The following MAP4K4 variants were observed in gnomAD, a reference collection of about 807,000 sequenced individuals.
MAP4K4 encodes mitogen-activated protein kinase kinase kinase kinase 4.
In MAP4K4, 38 loss-of-function variants were observed where a neutral mutation model predicts 189.6. That is an observed-to-expected ratio of 0.20 (90% CI 0.15 to 0.26). MAP4K4 has a LOEUF of 0.26. Among genes scored for constraint, MAP4K4 ranks in the 10% least tolerant of loss-of-function variants. The probability of loss-of-function intolerance (pLI) is 1.00; values close to 1 mark genes in which losing one functional copy is unlikely to be tolerated. For synonymous variants in MAP4K4, 610 were observed against 624.3 expected (o/e 0.98, Z 0.34); for missense variants, 1,054 against 1,726.9 (o/e 0.61, Z 6.91).
rs567229583 is a variant in MAP4K4 at position 101,891,068 on chromosome 2, G to A, written c.4072-98G>A. On this transcript the variant is annotated intron_variant, in intron 32 of 32. Transcript: ENST00000324219. Reference sequence around the variant, plus strand: ...GGCTCTTTGGGAGTCTAAGCTTCTCGTACTTGACAGTGTTGAGGATGATGG... The same window carrying A: ...GGCTCTTTGGGAGTCTAAGCTTCTCATACTTGACAGTGTTGAGGATGATGG... 3.9e-5 allele frequency: 36 copies of A among 927,788 alleles called. No individual in the cohort carries two copies. The East Asian group carries it at 5.9e-4, about 15-fold the overall frequency. 57.5% of individuals were successfully genotyped at this position (927,788 alleles called of 1,614,324 possible).
chr2:101,864,913 A>G lies in MAP4K4; in HGVS notation c.2098-17A>G, dbSNP rs182114622. The G allele has an allele frequency of 9.3e-5, 136 of 1,460,016 alleles. No individual in the cohort carries two copies. In the East Asian group the frequency reaches 3.0e-3, roughly 32 times the overall value. 90.4% of individuals were successfully genotyped at this position (1,460,016 alleles called of 1,614,324 possible). A position where few individuals can be genotyped will look rare whatever the true frequency, so the allele number is the denominator to read the frequency against. On this transcript the variant is annotated splice_polypyrimidine_tract_variant and intron_variant, in intron 17 of 32. Transcript: ENST00000324219. ...TCATGTTTTCAATAATTTAATTGCT[A>G]TATTTTCTACTTAAAGGTTCCTGTG...
intron 2 of MAP4K4, among the ~76,000 whole-genome samples, chr2:101,752,664 A>G (rs904740707): frequency 6.6e-6 from 1 of 152,186 alleles, no homozygotes. Context: ...AATTTGAGGT[A>G]ATGCTATTCC....
At chr2:101,750,107 C>T (rs1455734164) in intron 2 of MAP4K4, among the ~76,000 whole-genome samples, 1 of 149,526 alleles carries the variant, frequency 6.7e-6, no homozygotes, top group African/African-American at 2.5e-5. Flanking sequence ...TGTGGCGATT[C>T]CTCAGGGATC....
At chr2:101,831,137 C>A (rs1040778302) in intron 6 of MAP4K4, among the ~76,000 whole-genome samples, 2 of 152,154 alleles carry the variant, frequency 1.3e-5, no homozygotes, top group African/African-American at 2.4e-5. Context: ...GAACTTTCCT[C>A]TAGACCACCA....
At chr2:101,745,328 A>AACC (rs2064781044) in intron 2 of MAP4K4, among the ~76,000 whole-genome samples, 1 of 54,874 alleles carries the variant, frequency 1.8e-5, no homozygotes, top group African/African-American at 1.0e-4. Flanking sequence ...TGAAAATATC[A>AACC]CCCCCCCCCC....
At chr2:101,884,977 G>A (rs573789212) in intron 28 of MAP4K4, among the ~76,000 whole-genome samples, 1 of 152,134 alleles carries the variant, frequency 6.6e-6, no homozygotes, top group Non-Finnish European at 1.5e-5. Flanking sequence ...GATCATTAGC[G>A]AAAGTACTCA....
intron 12 of MAP4K4, among the ~76,000 whole-genome samples, chr2:101,855,278 G>A (rs1295806245): frequency 6.6e-6 from 1 of 152,202 alleles, no homozygotes; most frequent in Non-Finnish European, 1.5e-5. Context: ...TTCCAGCTGG[G>A]GGCTTGCTGG....
chr2:101,802,070 T>G (rs2094424982), intron 3 of MAP4K4, among the ~76,000 whole-genome samples: 1 of 152,232 alleles, frequency 6.6e-6, no homozygotes, highest in Non-Finnish European at 1.5e-5. Flanking sequence ...TGACTTCAAG[T>G]TAGTAACTGC....
intron 13 of MAP4K4, among the ~76,000 whole-genome samples, chr2:101,856,794 A>G (rs965316702): frequency 1.3e-5 from 2 of 152,138 alleles, no homozygotes; most frequent in African/African-American, 4.8e-5. Flanking sequence ...TCTCTTTGTT[A>G]TGAGCTTGGA....
At chr2:101,865,565 G>A (rs549469266) in intron 18 of MAP4K4, among the ~76,000 whole-genome samples, 1 of 152,288 alleles carries the variant, frequency 6.6e-6, no homozygotes, top group Admixed American at 6.5e-5. Flanking sequence ...ATGAAATACA[G>A]TGGAAACTTC....
At chr2:101,819,186 T>C (rs1325766457) in intron 3 of MAP4K4, among the ~76,000 whole-genome samples, 1 of 152,200 alleles carries the variant, frequency 6.6e-6, no homozygotes, top group Non-Finnish European at 1.5e-5. Context: ...CCAGGCCACA[T>C]GAAGTGTTTG....
intron 28 of MAP4K4, 137 bp from the exon 29 acceptor site, chr2:101,885,048 CTG>C: frequency 2.1e-6 from 1 of 476,036 alleles, no homozygotes; most frequent in Non-Finnish European, 3.8e-6. Flanking sequence ...ATCTCTCTCT[CTG>C]AATTTTTCCC....
At chr2:101,869,823 G>A (rs371923814) in intron 22 of MAP4K4, 26 bp downstream of exon 22, 109 of 1,497,578 alleles carry the variant, frequency 7.3e-5, no homozygotes, top group African/African-American at 2.4e-4. Context: ...CTTTTAGAGC[G>A]GATGAGAGTA....
At chr2:101,761,722 A>AT (rs1329390666) in intron 2 of MAP4K4, among the ~76,000 whole-genome samples, 10 of 151,670 alleles carry the variant, frequency 6.6e-5, no homozygotes, top group Admixed American at 6.6e-4. Context: ...CACCTGGCTA[A>AT]TTTTTTGTAT....
intron 2 of MAP4K4, among the ~76,000 whole-genome samples, chr2:101,735,279 A>T (rs1375022280): frequency 6.6e-6 from 1 of 152,082 alleles, no homozygotes; most frequent in Non-Finnish European, 1.5e-5. Context: ...TACAGGGGCA[A>T]ATGGTCACCT....
At chr2:101,818,067 A>T (rs530912584) in intron 3 of MAP4K4, among the ~76,000 whole-genome samples, 1 of 152,290 alleles carries the variant, frequency 6.6e-6, no homozygotes, top group African/African-American at 2.4e-5. Flanking sequence ...AATAAAAAAT[A>T]AATTTGATTA....
intron 2 of MAP4K4, among the ~76,000 whole-genome samples, chr2:101,760,527 T>G (rs1439761195): frequency 9.0e-6 from 1 of 110,756 alleles, no homozygotes; most frequent in African/African-American, 4.4e-5. Flanking sequence ...TATATATGTA[T>G]ATATGTGTGT....
At chr2:101,879,913 G>A (rs2098334597) in intron 27 of MAP4K4, among the ~76,000 whole-genome samples, 1 of 151,562 alleles carries the variant, frequency 6.6e-6, no homozygotes, top group Non-Finnish European at 1.5e-5. Context: ...AGGGGTGTAG[G>A]AATTAATAGG....
At chr2:101,756,729 ATTTT>A (rs34314872) in intron 2 of MAP4K4, among the ~76,000 whole-genome samples, 1 of 125,038 alleles carries the variant, frequency 8.0e-6, no homozygotes. Flanking sequence ...TAATTTTTGT[ATTTT>A]TTTTTTTTTT....
Sources: gnomAD v4.1 joint callset for allele counts (sites outside exome capture counted in the v4.1 genomes callset) on GRCh38, gnomAD v4.1.1 for gene constraint, MANE v1.5 for transcripts, NCBI Gene and HGNC (gene_info 2026-07-23, HGNC 2026-07-21) for gene names.